The following ST3GAL3 variants were observed in gnomAD, a reference collection of about 807,000 sequenced individuals.
ST3GAL3 encodes CMP-N-acetylneuraminate-beta-1,4-galactoside alpha-2,3-sialyltransferase.
ST3GAL3 carries 21 observed loss-of-function variants against 50.1 expected under a neutral mutation model. The observed-to-expected ratio is 0.42, with a 90% CI of 0.30 to 0.60. The LOEUF (loss-of-function observed/expected upper bound fraction) is 0.60, where lower values mean the gene tolerates loss of function less well. Ranked by LOEUF, ST3GAL3 falls within the 20% of genes least tolerant of loss-of-function variation. The probability of loss-of-function intolerance (pLI) is 0.19; values close to 1 mark genes in which losing one functional copy is unlikely to be tolerated. For synonymous variants in ST3GAL3, 183 were observed against 190.0 expected (o/e 0.96, Z 0.30); for missense variants, 353 against 489.4 (o/e 0.72, Z 2.63).
intron 2 of ST3GAL3, among the ~76,000 whole-genome samples, chr1:43,763,474 G>A (rs776937903): frequency 2.6e-5 from 4 of 152,104 alleles, no homozygotes; most frequent in South Asian, 4.2e-4. Flanking sequence ...GAGGAGTGGC[G>A]GATCAAATTT....
At chr1:43,864,172 G>C (rs1176329171) in intron 5 of ST3GAL3, among the ~76,000 whole-genome samples, 2 of 152,226 alleles carry the variant, frequency 1.3e-5, no homozygotes, top group Admixed American at 1.3e-4. Flanking sequence ...CCAGCTACTT[G>C]AGAGGCTGAG....
rs1428831593 is a variant in ST3GAL3 at position 43,851,204 on chromosome 1, C to T, written c.302+12893C>T. 4 of 1,471,364 alleles carry T rather than the reference C, an allele frequency of 2.7e-6. No individual in the cohort carries two copies. In the Admixed American group the frequency reaches 6.7e-5, roughly 25 times the overall value. The allele number at this position is 1,471,364 out of a possible 1,614,324, so 91.1% of individuals were successfully genotyped here. A position where few individuals can be genotyped will look rare whatever the true frequency, so the allele number is the denominator to read the frequency against. On this transcript the variant is annotated intron_variant, in intron 5 of 11. Transcript: ENST00000347631. ...CTCCAGCTGGTCATAGTTGATGTAGCCAGTGTCTGGGTTCACCTTATAGGG... is the reference window on the plus strand; with the variant it reads ...CTCCAGCTGGTCATAGTTGATGTAGTCAGTGTCTGGGTTCACCTTATAGGG...
chr1:43,888,051 C>T (rs2076212563), intron 5 of ST3GAL3, among the ~76,000 whole-genome samples: 1 of 151,626 alleles, frequency 6.6e-6, no homozygotes, highest in South Asian at 2.1e-4. Flanking sequence ...GAGGGGAAAC[C>T]AGGAGAAAAA....
intron 2 of ST3GAL3, among the ~76,000 whole-genome samples, chr1:43,740,697 GTATAGC>G (rs1680501708): frequency 6.6e-6 from 1 of 151,870 alleles, no homozygotes; most frequent in Non-Finnish European, 1.5e-5. Context: ...ACGGCGAGTG[GTATAGC>G]TACTCAGGAG....
intron 5 of ST3GAL3, chr1:43,851,166 G>A: frequency 7.4e-7 from 1 of 1,360,390 alleles, no homozygotes; most frequent in Non-Finnish European, 1.1e-6. Context: ...GGGTGGAAGA[G>A]GCGGGTGTTC....
At chr1:43,790,624 T>C (rs2057939279) in intron 2 of ST3GAL3, among the ~76,000 whole-genome samples, 1 of 134,510 alleles carries the variant, frequency 7.4e-6, no homozygotes, top group South Asian at 2.4e-4. Flanking sequence ...CAACATCATA[T>C]GGCGTCTCCT....
intron 5 of ST3GAL3, among the ~76,000 whole-genome samples, chr1:43,859,736 TGAGGCCTGAGCTCAG>T (rs1377682146): frequency 6.6e-6 from 1 of 152,190 alleles, no homozygotes; most frequent in Non-Finnish European, 1.5e-5. Flanking sequence ...GGCATGTGCT[TGAGGCCTGAGCTCAG>T]AAACCAGCTC....
At chr1:43,740,934 G>T (rs539520312) in intron 2 of ST3GAL3, among the ~76,000 whole-genome samples, 2 of 149,904 alleles carry the variant, frequency 1.3e-5, no homozygotes, top group Non-Finnish European at 3.0e-5. Flanking sequence ...GGAAGGGAGG[G>T]AGGAAAGGAG....
chr1:43,722,069 T>G (rs982414824), intron 1 of ST3GAL3, among the ~76,000 whole-genome samples: 10 of 152,184 alleles, frequency 6.6e-5, no homozygotes, highest in Non-Finnish European at 1.2e-4. Context: ...TAGAAAATTA[T>G]AAGTGCACAA....
chr1:43,920,718 C>G, intron 10 of ST3GAL3, 64 bp from the exon 11 acceptor site: 1 of 1,613,428 alleles, frequency 6.2e-7, no homozygotes, highest in South Asian at 1.1e-5. Context: ...GCTGAAGTCT[C>G]AGCTGTCCCA....
At chr1:43,723,012 C>T (rs868457641) in intron 1 of ST3GAL3, among the ~76,000 whole-genome samples, 1 of 152,040 alleles carries the variant, frequency 6.6e-6, no homozygotes, top group Non-Finnish European at 1.5e-5. Flanking sequence ...GGGGGCGGAT[C>T]CCTCATGAAC....
intron 2 of ST3GAL3, among the ~76,000 whole-genome samples, chr1:43,777,162 A>G (rs1697580766): frequency 6.6e-6 from 1 of 152,208 alleles, no homozygotes; most frequent in African/African-American, 2.4e-5. Flanking sequence ...TTACCCATGA[A>G]TACTTAATTA....
chr1:43,906,379 G>A (rs907826163), intron 9 of ST3GAL3, among the ~76,000 whole-genome samples: 6 of 102,516 alleles, frequency 5.9e-5, no homozygotes, highest in African/African-American at 2.3e-4. Flanking sequence ...CCATCCTCCT[G>A]TTTCCTTTCC....
At chr1:43,885,391 C>CACT (rs1338594657) in intron 5 of ST3GAL3, among the ~76,000 whole-genome samples, 1 of 152,204 alleles carries the variant, frequency 6.6e-6, no homozygotes, top group Admixed American at 6.5e-5. Flanking sequence ...CCTTCTCACG[C>CACT]ACTCACACAC....
chr1:43,868,294 T>C (rs984725398), intron 5 of ST3GAL3, among the ~76,000 whole-genome samples: 2 of 152,198 alleles, frequency 1.3e-5, no homozygotes, highest in Non-Finnish European at 2.9e-5. Flanking sequence ...TAAATGTCTG[T>C]TTATGGAAGG....
At chr1:43,736,083 G>A in intron 1 of ST3GAL3, 150 bp from the exon 2 acceptor site, 1 of 704,664 alleles carries the variant, frequency 1.4e-6, no homozygotes, top group Non-Finnish European at 2.4e-6. Context: ...TTTTGAGATG[G>A]GGATGAGCAG....
In ST3GAL3 at chr1:43,930,455, G is replaced by A; in HGVS notation, c.*234G>A. 1 of 590,210 alleles carries A rather than the reference G, an allele frequency of 1.7e-6. No individual in the cohort carries two copies. The highest frequency in any genetic ancestry group is 2.9e-5 in the East Asian group (1 of 34,914). The allele number at this position is 590,210 out of a possible 1,614,324, so 36.6% of individuals were successfully genotyped here. On this transcript the variant is annotated 3_prime_UTR_variant, in exon 12 of 12. Transcript: ENST00000347631. ...AGAGGGCCAGCAGGCTCCTGGCTGT[G>A]CCCAGCAGGCCCAGCATGCAGGTGG...
Position 43,926,563 on chromosome 1 carries a change from C to T in ST3GAL3, c.1039-3569C>T, listed in dbSNP as rs558031445. 8.2e-4 allele frequency among the ~76,000 whole-genome samples: 118 copies of T among 144,566 alleles called. 1 individual carries two copies. Among genetic ancestry groups the T allele is most frequent in the Non-Finnish European group, 1.1e-3 (70 of 63,896 alleles). 94.8% of individuals were successfully genotyped at this position (144,566 alleles called of 152,430 possible). A position where few individuals can be genotyped will look rare whatever the true frequency, so the allele number is the denominator to read the frequency against. On this transcript the variant is annotated intron_variant, in intron 11 of 11. Coordinates refer to ENST00000347631, the MANE Select transcript of ST3GAL3 (RefSeq NM_006279.5). ...GAGGTTGCAGTGAGCCGAGATTGCA[C>T]CATTGCACTCCAGCCTCGGCAACAA...
intron 9 of ST3GAL3, among the ~76,000 whole-genome samples, chr1:43,904,308 A>G (rs995149979): frequency 6.6e-6 from 1 of 152,110 alleles, no homozygotes; most frequent in African/African-American, 2.4e-5. Flanking sequence ...TTCAAGCCTG[A>G]GAGGGATGCA....
Sources: gnomAD v4.1 joint callset for allele counts (sites outside exome capture counted in the v4.1 genomes callset) on GRCh38, gnomAD v4.1.1 for gene constraint, MANE v1.5 for transcripts, NCBI Gene and HGNC (gene_info 2026-07-23, HGNC 2026-07-21) for gene names.